TFG: variants seen among roughly 807,000 people sequenced by gnomAD.
TFG encodes the protein protein TFG.
A neutral mutation model predicts 51.4 loss-of-function variants in TFG; 22 were observed. The ratio of observed to expected loss-of-function variants is 0.43; its 90% CI spans 0.31 to 0.61. TFG has a LOEUF of 0.61. Among genes scored for constraint, TFG ranks in the 20% least tolerant of loss-of-function variants. TFG has a pLI of 0.12. For synonymous variants in TFG, 187 were observed against 165.6 expected (o/e 1.13, Z -0.99); for missense variants, 419 against 487.7 (o/e 0.86, Z 1.33).
At chr3:100,729,419 A>G (rs2095085260) in intron 4 of TFG, among the ~76,000 whole-genome samples, 1 of 152,168 alleles carries the variant, frequency 6.6e-6, no homozygotes, top group African/African-American at 2.4e-5. Flanking sequence ...GTTTGTGTTA[A>G]GATAAAGCAA....
intron 6 of TFG, among the ~76,000 whole-genome samples, chr3:100,740,953 T>C (rs993303297): frequency 1.3e-5 from 2 of 152,180 alleles, no homozygotes; most frequent in African/African-American, 4.8e-5. Context: ...TTCTATTGCC[T>C]AGTGATGTGT....
At chr3:100,731,053 A>G (rs2095090212) in intron 4 of TFG, among the ~76,000 whole-genome samples, 1 of 152,190 alleles carries the variant, frequency 6.6e-6, no homozygotes, top group Admixed American at 6.5e-5. Context: ...TATGTTAGGA[A>G]TGAATGAGCT....
At chr3:100,717,315 A>G (rs2095048975) in intron 2 of TFG, among the ~76,000 whole-genome samples, 1 of 152,070 alleles carries the variant, frequency 6.6e-6, no homozygotes, top group South Asian at 2.1e-4. Context: ...ACAGCTTTGT[A>G]GTATATTTTG....
intron 5 of TFG, among the ~76,000 whole-genome samples, chr3:100,735,995 T>C (rs2095105300): frequency 6.6e-6 from 1 of 152,162 alleles, no homozygotes; most frequent in African/African-American, 2.4e-5. Flanking sequence ...AAGTGTGGAA[T>C]TATAATTGGA....
rs144100816 is a variant in TFG, at chr3:100,727,078, A to T, written c.269-1634A>T. Among the ~76,000 whole-genome samples the T allele has an allele frequency of 1.8e-4, 27 of 152,268 alleles. 1 individual carries two copies. Among genetic ancestry groups the T allele is most frequent in the African/African-American group, 6.3e-4 (26 of 41,552 alleles). On this transcript the variant is annotated intron_variant, in intron 3 of 7. Coordinates refer to ENST00000240851, the MANE Select transcript of TFG (RefSeq NM_006070.6). Reference sequence around the variant, plus strand: ...GTTCTTGTTTTTGTCTGGAGTTTTGACATGGTTATGGACTGTTGATCTATC... The same window carrying T: ...GTTCTTGTTTTTGTCTGGAGTTTTGTCATGGTTATGGACTGTTGATCTATC...
chr3:100,746,616 T>C (rs1300983091), intron 7 of TFG, among the ~76,000 whole-genome samples: 1 of 151,484 alleles, frequency 6.6e-6, no homozygotes, highest in South Asian at 2.1e-4. Flanking sequence ...AGACTATATA[T>C]ATACACACAC....
At chr3:100,744,728 T>TA in intron 6 of TFG, 105 bp from the exon 7 acceptor site, 1 of 687,326 alleles carries the variant, frequency 1.5e-6, no homozygotes, top group South Asian at 2.0e-5. Context: ...TGTATATTGT[T>TA]ACTCTGTTTG....
intron 5 of TFG, among the ~76,000 whole-genome samples, chr3:100,733,291 A>G (rs1046931832): frequency 4.0e-5 from 6 of 151,878 alleles, no homozygotes; most frequent in Admixed American, 1.3e-4. Flanking sequence ...ATTTTTCTTC[A>G]GTCTTCTCTC....
intron 2 of TFG, among the ~76,000 whole-genome samples, chr3:100,716,931 A>G (rs1191139643): frequency 6.6e-6 from 1 of 152,100 alleles, no homozygotes; most frequent in African/African-American, 2.4e-5. Flanking sequence ...TTCCTTCTAT[A>G]TTCTGAATAT....
intron 2 of TFG, among the ~76,000 whole-genome samples, chr3:100,717,941 T>C (rs1262456817): frequency 6.6e-6 from 1 of 152,324 alleles, no homozygotes; most frequent in Admixed American, 6.5e-5. Flanking sequence ...TTTTTTTGTC[T>C]TGAGACAGGG....
chr3:100,722,419 A>C (rs9843956), intron 3 of TFG, among the ~76,000 whole-genome samples: 2 of 151,934 alleles, frequency 1.3e-5, no homozygotes, highest in Admixed American at 6.5e-5. Flanking sequence ...GAATATTTCT[A>C]TTCAGAGTTT....
chr3:100,748,906 C>CAAGA lies in TFG; in HGVS notation c.*376_*379dup, dbSNP rs2095163079. On this transcript the variant is annotated 3_prime_UTR_variant, in exon 8 of 8. Coordinates refer to ENST00000240851, the MANE Select transcript of TFG (RefSeq NM_006070.6). ...ACTAAAGTAGAGCCCTTTGAGAATA[C>CAAGA]AAGATATTATGTATAAAATGTAACA... 4.4e-6 allele frequency: 1 copy of CAAGA among 225,306 alleles called. No homozygotes were observed. Among genetic ancestry groups the CAAGA allele is most frequent in the East Asian group, 6.9e-5 (1 of 14,392 alleles). 14.0% of individuals were successfully genotyped at this position (225,306 alleles called of 1,614,324 possible).
chr3:100,737,902 T>A (rs1455348961), intron 6 of TFG, among the ~76,000 whole-genome samples: 3 of 151,890 alleles, frequency 2.0e-5, no homozygotes, highest in African/African-American at 4.8e-5. Flanking sequence ...AAAAAAGATT[T>A]AAAAAAATTA....
At chr3:100,716,555 C>G (rs2095046974) in intron 2 of TFG, among the ~76,000 whole-genome samples, 1 of 152,086 alleles carries the variant, frequency 6.6e-6, no homozygotes, top group African/African-American at 2.4e-5. Flanking sequence ...GTTAAATATT[C>G]AGTAGTGGCA....
intron 4 of TFG, among the ~76,000 whole-genome samples, chr3:100,729,268 T>C (rs181330183): frequency 2.0e-5 from 3 of 152,314 alleles, no homozygotes; most frequent in Admixed American, 2.0e-4. Flanking sequence ...AATAATTACA[T>C]AGTGTTGGAA....
At chr3:100,719,084 C>T (rs1444543945) in intron 2 of TFG, among the ~76,000 whole-genome samples, 1 of 152,182 alleles carries the variant, frequency 6.6e-6, no homozygotes, top group African/African-American at 2.4e-5. Flanking sequence ...GGAAGTGGGT[C>T]TGGCTATAAG....
At chr3:100,724,303 A>T (rs2095068917) in intron 3 of TFG, among the ~76,000 whole-genome samples, 1 of 152,202 alleles carries the variant, frequency 6.6e-6, no homozygotes, top group African/African-American at 2.4e-5. Flanking sequence ...GCAAATCTTT[A>T]TGAGGATTAG....
intron 3 of TFG, among the ~76,000 whole-genome samples, chr3:100,721,414 G>T (rs1383209280): frequency 1.3e-5 from 2 of 152,052 alleles, no homozygotes; most frequent in Non-Finnish European, 2.9e-5. Flanking sequence ...TAGGCCCTTG[G>T]TCCTAGTCCC....
At chr3:100,735,561 G>A (rs911506643) in intron 5 of TFG, among the ~76,000 whole-genome samples, 1 of 152,210 alleles carries the variant, frequency 6.6e-6, no homozygotes, top group African/African-American at 2.4e-5. Context: ...TACACAGCTA[G>A]TGAGTGACAG....
Sources: gnomAD v4.1 joint callset for allele counts (sites outside exome capture counted in the v4.1 genomes callset) on GRCh38, gnomAD v4.1.1 for gene constraint, MANE v1.5 for transcripts, NCBI Gene and HGNC (gene_info 2026-07-23, HGNC 2026-07-21) for gene names.